FBN3: variants seen among roughly 807,000 people sequenced by gnomAD.
FBN3 encodes the protein fibrillin 3.
FBN3 carries 234 observed loss-of-function variants against 330.1 expected under a neutral mutation model. That is an observed-to-expected ratio of 0.71 (90% CI 0.64 to 0.79). The LOEUF is 0.79. Among genes scored for constraint, FBN3 ranks in the 30% least tolerant of loss-of-function variants. FBN3 has a pLI of 0.00. For synonymous variants in FBN3, 1,458 were observed against 1,517.3 expected (o/e 0.96, Z 0.91); for missense variants, 3,606 against 3,886.9 (o/e 0.93, Z 1.92).
At chr19:8,081,535 G>C (rs1030213998) in intron 57 of FBN3, 55 bp from the exon 58 acceptor site, 4 of 1,529,658 alleles carry the variant, frequency 2.6e-6, no homozygotes, top group East Asian at 2.3e-5. Flanking sequence ...TTCCCTGGGG[G>C]TGTTCAGGGA....
intron 1 of FBN3, chr19:8,148,738 T>C (rs1298519987): frequency 2.0e-5 from 3 of 152,298 alleles, no homozygotes; most frequent in African/African-American, 7.2e-5. Context: ...CGCCCCTCTC[T>C]GGGCCAACCT....
chr19:8,077,982 C>A (rs1165174187), intron 59 of FBN3, among the ~76,000 whole-genome samples: 3 of 147,328 alleles, frequency 2.0e-5, no homozygotes, highest in African/African-American at 7.6e-5. Flanking sequence ...GAAGCTGAGG[C>A]AGGAGGATCG....
chr19:8,089,458 G>A lies in FBN3; in HGVS notation c.6376+87C>T, dbSNP rs140212866. The A allele has an allele frequency of 1.5e-4, 219 of 1,507,832 alleles. 2 individuals carry two copies. In the African/African-American group the frequency reaches 2.6e-3, roughly 18 times the overall value. The allele number at this position is 1,507,832 out of a possible 1,614,324, so 93.4% of individuals were successfully genotyped here. On this transcript the variant is annotated intron_variant, in intron 51 of 63. Coordinates refer to ENST00000600128, the MANE Select transcript of FBN3 (RefSeq NM_032447.5). ...GGTTAAGGACAGGATCTCACCCACT[G>A]CCTGGGGGTGTCTTCCCTGCCCTGC...
intron 30 of FBN3, among the ~76,000 whole-genome samples, chr19:8,113,339 A>G (rs1326244463): frequency 2.0e-5 from 3 of 152,182 alleles, no homozygotes; most frequent in African/African-American, 7.2e-5. Context: ...TGGTGCAATC[A>G]TAGCTCACTG....
chr19:8,143,389 G>A (rs1369497972), intron 6 of FBN3, among the ~76,000 whole-genome samples: 2 of 151,794 alleles, frequency 1.3e-5, no homozygotes, highest in Non-Finnish European at 2.9e-5. Context: ...TTTTCACCAG[G>A]TCTTGGGTTC....
chr19:8,149,229 C>T lies in FBN3; in HGVS notation c.-18+220G>A, dbSNP rs1413576301. On this transcript the variant is annotated intron_variant, in intron 1 of 63. Coordinates refer to ENST00000600128, the MANE Select transcript of FBN3 (RefSeq NM_032447.5). The surrounding 1 kb of genome is among the most constrained non-coding windows in gnomAD (Gnocchi z 5.5). ...CTCACCTGTGGGGTCAGGGGCCCCG[C>T]GCCCCGGCCGAGCCCCTCCCGCCGG... is the stretch of plus-strand genomic sequence containing the variant. Among the ~76,000 whole-genome samples the T allele has an allele frequency of 2.0e-5, 3 of 151,744 alleles. No homozygotes were observed. The highest frequency in any genetic ancestry group is 6.6e-5 in the Admixed American group (1 of 15,234).
chr19:8,094,392 GAGAA>G (rs1156876521), intron 47 of FBN3, 50 bp downstream of exon 47: 1 of 1,564,314 alleles, frequency 6.4e-7, no homozygotes, highest in African/African-American at 1.3e-5. Context: ...TTTATGGATG[GAGAA>G]AGAGAGGCAC....
At chr19:8,143,636 C>T (rs554005769) in intron 6 of FBN3, among the ~76,000 whole-genome samples, 3 of 151,498 alleles carry the variant, frequency 2.0e-5, no homozygotes, top group Non-Finnish European at 2.9e-5. Flanking sequence ...TACAGGCACG[C>T]GCTACCACAC....
Position 8,133,079 on chromosome 19 carries a change from A to G in FBN3, c.1619T>C (p.Met540Thr). Residue 540 changes from methionine to threonine, a missense_variant, in exon 14 of 64, where the codon ATG becomes ACG. Coordinates refer to ENST00000600128, the MANE Select transcript of FBN3 (RefSeq NM_032447.5). ...VDHNECATST[M>T]CVNGVCLNED... is the part of the protein sequence containing the mutation. ...GTTGAGACACACGCCGTTGACGCAC[A>G]TGGTGCTGGTGGCACACTCGTTGTG... 6.3e-7 allele frequency: 1 copy of G among 1,582,904 alleles called. No individual in the cohort carries two copies. Among genetic ancestry groups the G allele is most frequent in the Non-Finnish European group, 8.6e-7 (1 of 1,165,668 alleles).
rs1356866274 is a variant in FBN3, at chr19:8,109,082, C to T, written c.4618+145G>A. 4 of 728,406 alleles carry T rather than the reference C, an allele frequency of 5.5e-6. No individual in the cohort carries two copies. Among genetic ancestry groups the T allele is most frequent in the Admixed American group, 2.8e-5 (1 of 35,488 alleles). The allele number at this position is 728,406 out of a possible 1,614,324, so 45.1% of individuals were successfully genotyped here. On this transcript the variant is annotated intron_variant, in intron 36 of 63. Coordinates refer to ENST00000600128, the MANE Select transcript of FBN3 (RefSeq NM_032447.5). The surrounding 1 kb of genome is among the most constrained non-coding windows in gnomAD (Gnocchi z 5.2). ...AACTACCAAGACGTACACTGTGTGACCCAGGATGAGCCCCTCTCCTCCCCC... is the reference window on the plus strand; with the variant it reads ...AACTACCAAGACGTACACTGTGTGATCCAGGATGAGCCCCTCTCCTCCCCC...
chr19:8,090,347 G>T, intron 48 of FBN3, 96 bp from the exon 49 acceptor site: 2 of 1,412,714 alleles, frequency 1.4e-6, no homozygotes, highest in Non-Finnish European at 1.9e-6. Flanking sequence ...TGAATGGGTT[G>T]TGCTGATCCT....
intron 56 of FBN3, among the ~76,000 whole-genome samples, chr19:8,084,980 G>A (rs2081902676): frequency 6.6e-6 from 1 of 152,002 alleles, no homozygotes; most frequent in African/African-American, 2.4e-5. Flanking sequence ...TCAAATTCCT[G>A]GGCTTAAGCA....
Position 8,096,799 on chromosome 19 carries a change from C to A in FBN3, c.5413+82G>T. 1.3e-6 allele frequency: 2 copies of A among 1,505,562 alleles called. No individual in the cohort carries two copies. The highest frequency in any genetic ancestry group is 2.3e-5 in the East Asian group (1 of 44,162). The allele number at this position is 1,505,562 out of a possible 1,614,324, so 93.3% of individuals were successfully genotyped here. A position where few individuals can be genotyped will look rare whatever the true frequency, so the allele number is the denominator to read the frequency against. ...CTAATAGTATAGAAAAGGAGAAAGA[C>A]CTGGACAGAGCCATACCCCATCTAA... On this transcript the variant is annotated intron_variant, in intron 43 of 63. Transcript: ENST00000600128. This position sits in a 1 kb window ranked among gnomAD's most constrained non-coding sequence, Gnocchi z 4.6.
chr19:8,108,780 C>A (rs1284694506), intron 36 of FBN3, among the ~76,000 whole-genome samples: 1 of 152,136 alleles, frequency 6.6e-6, no homozygotes, highest in African/African-American at 2.4e-5. Context: ...GGAAAGCCTT[C>A]CCCAGAGCTT....
intron 38 of FBN3, 116 bp downstream of exon 38, chr19:8,105,992 G>A: frequency 8.2e-7 from 1 of 1,224,200 alleles, no homozygotes; most frequent in Non-Finnish European, 1.1e-6. Flanking sequence ...AGGAGGCAGG[G>A]GGCAGAAGCC....
intron 18 of FBN3, among the ~76,000 whole-genome samples, 196 bp downstream of exon 18, chr19:8,128,832 C>A (rs1217844362): frequency 3.9e-5 from 6 of 152,100 alleles, no homozygotes; most frequent in African/African-American, 1.4e-4. Flanking sequence ...CTTGTGTACA[C>A]ACCTCATGCA....
intron 26 of FBN3, 141 bp downstream of exon 26, chr19:8,118,756 C>T (rs567220035): frequency 3.9e-5 from 40 of 1,028,482 alleles, no homozygotes; most frequent in South Asian, 7.6e-5. Flanking sequence ...CACACTTGCA[C>T]GCTCACACAT....
chr19:8,085,220 G>GACACAAAC (rs2081909432), intron 56 of FBN3, 143 bp downstream of exon 56: 1 of 497,688 alleles, frequency 2.0e-6, no homozygotes, highest in Non-Finnish European at 3.5e-6. Context: ...CTAGCACAAA[G>GACACAAAC]ACACACACAC....
chr19:8,085,917 G>A (rs958896558), intron 55 of FBN3, among the ~76,000 whole-genome samples: 8 of 151,458 alleles, frequency 5.3e-5, no homozygotes, highest in Non-Finnish European at 5.9e-5. Flanking sequence ...AACCCCCTGG[G>A]TTGCCCGTCA....
Sources: gnomAD v4.1 joint callset for allele counts (sites outside exome capture counted in the v4.1 genomes callset) on GRCh38, gnomAD v4.1.1 for gene constraint, Gnocchi (gnomAD v3.1) non-coding constraint, MANE v1.5 for transcripts, NCBI Gene and HGNC (gene_info 2026-07-23, HGNC 2026-07-21) for gene names.